RAG1: variants seen among roughly 807,000 people sequenced by gnomAD.
RAG1 encodes the protein recombination activating 1, also known as V(D)J recombination-activating protein 1.
A neutral mutation model predicts 62.7 loss-of-function variants in RAG1; 35 were observed. That is an observed-to-expected ratio of 0.56 (90% CI 0.43 to 0.74). RAG1 has a LOEUF of 0.74. Ranked by LOEUF, RAG1 falls within the 30% of genes least tolerant of loss-of-function variation. The pLI, the probability that RAG1 is intolerant of heterozygous loss-of-function variation, is 0.00. For missense variants in RAG1, 1,169 were observed against 1,278.6 expected (o/e 0.91, Z 1.31); for synonymous variants, 461 against 470.3 (o/e 0.98, Z 0.26).
In RAG1 at chr11:36,575,175, GT is replaced by G; in HGVS notation, c.1876del (p.Ser626HisfsTer5). On this transcript the variant is annotated frameshift_variant, in exon 2 of 2. Transcript: ENST00000299440. LOFTEE classifies it high-confidence loss of function. This position sits in a 1 kb window ranked among gnomAD's most constrained non-coding sequence, Gnocchi z 4.1. The stretch of plus-strand genomic sequence containing the variant: ...CCTGTAGTTCCAGAAAAGGCAGTCC[GT>G]TTTTCATTCACAATCATGAAAATTA... The part of the protein sequence containing the change: ...SGPVVPEKAV[R>X]FSFTIMKITI... 1 of 1,614,136 alleles carries G rather than the reference GT, an allele frequency of 6.2e-7. No individual in the cohort carries two copies. Among genetic ancestry groups the G allele is most frequent in the Non-Finnish European group, 8.5e-7 (1 of 1,180,000 alleles).
rs1850821995 is a variant in RAG1 at position 36,575,139 on chromosome 11, A to G, written c.1835A>G (p.His612Arg). The G allele has an allele frequency of 6.2e-6, 10 of 1,614,180 alleles. No individual in the cohort carries two copies. The highest frequency in any genetic ancestry group is 7.6e-6 in the Non-Finnish European group (9 of 1,180,022). The change falls in exon 2 of 2, where the codon CAT becomes CGT. Residue 612 changes from histidine (H) to arginine (R), a missense_variant. Physicochemically the swap from His to Arg is conservative, Grantham distance 29. Transcript: ENST00000299440. This position sits in a 1 kb window ranked among gnomAD's most constrained non-coding sequence, Gnocchi z 4.1. ...CDGMGDVSEK[H>R]GSGPVVPEKA... ...GGAATGGGAGACGTGAGTGAGAAGC[A>G]TGGGAGTGGGCCTGTAGTTCCAGAA...
chr11:36,560,575 T>C (rs1225027200), intron 3 of RAG1, among the ~76,000 whole-genome samples: 2 of 152,156 alleles, frequency 1.3e-5, no homozygotes, highest in Non-Finnish European at 2.9e-5. Context: ...TGCAGTTCCA[T>C]AGTAGCTTGG....
At chr11:36,519,252 C>G (rs1000964837) in intron 1 of RAG1, among the ~76,000 whole-genome samples, 10 of 152,096 alleles carry the variant, frequency 6.6e-5, no homozygotes, top group African/African-American at 2.4e-4. Context: ...CATGACCAGA[C>G]AGGTGTGTTT....
At chr11:36,521,005 G>A (rs553773297) in intron 2 of RAG1, among the ~76,000 whole-genome samples, 147 of 149,480 alleles carry the variant, frequency 9.8e-4, no homozygotes, top group African/African-American at 3.0e-3. Flanking sequence ...TTTTGCCCAG[G>A]CTAGAGTGCC....
rs577501323 is a variant in RAG1 at position 36,511,526 on chromosome 11, A to G, written n.330+488A>G. Among the ~76,000 whole-genome samples the G allele has an allele frequency of 5.2e-4, 79 of 152,306 alleles. 1 individual carries two copies. The Middle Eastern group carries it at 0.024, about 46-fold the overall frequency. On this transcript the variant is annotated intron_variant and non_coding_transcript_variant, in intron 1 of 2. Coordinates refer to the RAG1 transcript ENST00000529126. The stretch of plus-strand genomic sequence containing the variant: ...GGGCTCAATAAATGTTACCAATACT[A>G]TATGTCCTACTTTCTGGCTGCCAAT...
At chr11:36,511,576 TAAG>T (rs775812535) in intron 1 of RAG1, among the ~76,000 whole-genome samples, 3 of 152,238 alleles carry the variant, frequency 2.0e-5, no homozygotes, top group Non-Finnish European at 2.9e-5. Context: ...CTTCTCTTTT[TAAG>T]AAGAATTTAT....
intron 1 of RAG1, chr11:36,515,630 C>G (rs113460330): frequency 6.6e-6 from 1 of 152,552 alleles, no homozygotes; most frequent in Non-Finnish European, 1.5e-5. Context: ...GTGCTCAGAG[C>G]AGTGGAGGGG....
At chr11:36,537,199 C>CTGTTG (rs58276930), downstream of RAG1, among the ~76,000 whole-genome samples, 801 of 152,272 alleles carry the variant, frequency 5.3e-3, 11 homozygotes, top group African/African-American at 0.018. Flanking sequence ...TTCTAGAGAT[C>CTGTTG]TGTTGTACAA....
intron 2 of RAG1, among the ~76,000 whole-genome samples, chr11:36,526,393 T>A (rs1860163395): frequency 6.6e-6 from 1 of 152,148 alleles, no homozygotes; most frequent in Admixed American, 6.6e-5. Context: ...TTTATCCATG[T>A]CCCTGCAAAG....
intron 3 of RAG1, among the ~76,000 whole-genome samples, chr11:36,562,092 GGGAACCATA>G (rs1850593239): frequency 6.6e-6 from 1 of 152,230 alleles, no homozygotes; most frequent in East Asian, 1.9e-4. Flanking sequence ...AACCATGATG[GGGAACCATA>G]GGAACCATAG....
intron 2 of RAG1, among the ~76,000 whole-genome samples, chr11:36,525,717 T>A (rs943580040): frequency 6.6e-6 from 1 of 152,238 alleles, no homozygotes; most frequent in African/African-American, 2.4e-5. Flanking sequence ...TCATTGCTAG[T>A]ATATTGAAAT....
rs780167146 is a variant in RAG1, at chr11:36,573,666, A to T, written c.362A>T (p.Asp121Val). 4 of 1,614,154 alleles carry T rather than the reference A, an allele frequency of 2.5e-6. No homozygotes were observed. The South Asian group carries it at 4.4e-5, about 18-fold the overall frequency. ...ATCTGTGGGAATTCTTTTAGAGCTGATGAGCACAACAGGAGATATCCAGTC... is the reference window on the plus strand; with the variant it reads ...ATCTGTGGGAATTCTTTTAGAGCTGTTGAGCACAACAGGAGATATCCAGTC... The part of the protein sequence containing the change: ...CRICGNSFRA[D>V]EHNRRYPVHG... Residue 121 changes from aspartate to valine, a missense_variant, in exon 2 of 2, where the codon GAT becomes GTT. Asp to Val is a radical substitution (Grantham distance 152). This residue lies in a region of RAG1 where 369 missense variants were observed against 335.3 expected (regional missense o/e 1.10). Transcript: ENST00000299440.
chr11:36,526,216 T>A (rs1482908237), intron 2 of RAG1, among the ~76,000 whole-genome samples: 2 of 151,768 alleles, frequency 1.3e-5, no homozygotes, highest in African/African-American at 4.8e-5. Flanking sequence ...GTATTTCTCC[T>A]AATGCTATCC....
chr11:36,534,582 C>T (rs1860299386), intron 2 of RAG1, among the ~76,000 whole-genome samples: 1 of 152,100 alleles, frequency 6.6e-6, no homozygotes, highest in Non-Finnish European at 1.5e-5. Context: ...ATTTTATTGA[C>T]CAAAGCATGT....
rs1267467363 is a variant in RAG1, at chr11:36,576,524, T to G, written c.*88T>G. The G allele has an allele frequency of 1.4e-6, 2 of 1,473,240 alleles. No individual in the cohort carries two copies. Among genetic ancestry groups the G allele is most frequent in the Non-Finnish European group, 1.9e-6 (2 of 1,055,710 alleles). 91.3% of individuals were successfully genotyped at this position (1,473,240 alleles called of 1,614,324 possible). A position where few individuals can be genotyped will look rare whatever the true frequency, so the allele number is the denominator to read the frequency against. The stretch of plus-strand genomic sequence containing the variant: ...CTTCTCCTAGCACCCTTTACTGCTG[T>G]GTATGGGGCTTCACCATCCAAGAGG... On this transcript the variant is annotated 3_prime_UTR_variant, in exon 2 of 2. Coordinates refer to ENST00000299440, the MANE Select transcript of RAG1 (RefSeq NM_000448.3).
chr11:36,516,225 A>G (rs1260879739), intron 1 of RAG1, among the ~76,000 whole-genome samples: 1 of 152,218 alleles, frequency 6.6e-6, no homozygotes, highest in Non-Finnish European at 1.5e-5. Flanking sequence ...AATGCAAATG[A>G]ATTGCTTTTG....
chr11:36,522,458 G>C (rs1312801754), intron 2 of RAG1, among the ~76,000 whole-genome samples: 2 of 152,244 alleles, frequency 1.3e-5, no homozygotes, highest in Non-Finnish European at 2.9e-5. Context: ...CCTCTGCCTA[G>C]ATTTCAGAAA....
intron 3 of RAG1, among the ~76,000 whole-genome samples, chr11:36,547,417 G>C (rs548890178): frequency 6.6e-6 from 1 of 152,104 alleles, no homozygotes; most frequent in Non-Finnish European, 1.5e-5. Flanking sequence ...GAATCAAATA[G>C]ACACAATAAA....
intron 2 of RAG1, among the ~76,000 whole-genome samples, chr11:36,524,105 T>G: frequency 6.6e-6 from 1 of 152,206 alleles, no homozygotes; most frequent in East Asian, 1.9e-4. Flanking sequence ...TGAACATTCC[T>G]GTGGCAGGTT....
Sources: gnomAD v4.1 joint callset for allele counts (sites outside exome capture counted in the v4.1 genomes callset) on GRCh38, gnomAD v4.1.1 for gene constraint, gnomAD v4.1.1 regional missense constraint, Gnocchi (gnomAD v3.1) non-coding constraint, MANE v1.5 for transcripts, NCBI Gene and HGNC (gene_info 2026-07-23, HGNC 2026-07-21) for gene names.